TENM1: variants seen among roughly 807,000 people sequenced by gnomAD.
TENM1 encodes teneurin-1.
In TENM1, 35 loss-of-function variants were observed where a neutral mutation model predicts 174.8. The ratio of observed to expected loss-of-function variants is 0.20; its 90% confidence interval spans 0.15 to 0.27. TENM1 has a LOEUF of 0.27. Among genes scored for constraint, TENM1 ranks in the 10% least tolerant of loss-of-function variants. The pLI, the probability that TENM1 is intolerant of heterozygous loss-of-function variation, is 1.00. For missense variants in TENM1, 1,633 were observed against 2,130.1 expected, an observed-to-expected ratio of 0.77 and a Z score of 4.59; for synonymous variants, 781 against 798.7, an observed-to-expected ratio of 0.98 and a Z score of 0.37.
At chrX:124,390,112 G>T (rs751004528) in intron 28 of TENM1, among the ~76,000 whole-genome samples, 1 of 112,122 alleles carries the variant, frequency 8.9e-6, no homozygotes, top group East Asian at 2.8e-4. Flanking sequence ...TTGTTTGTTT[G>T]CTTAGCAATT....
At chrX:125,026,083 T>A in the TENM1 span, among the ~76,000 whole-genome samples, 1 of 107,025 alleles carries the variant, frequency 9.3e-6, no homozygotes, top group African/African-American at 3.4e-5. Flanking sequence ...ACTAGTGCAA[T>A]AGAAAAAAGA....
the TENM1 span, among the ~76,000 whole-genome samples, chrX:125,000,520 A>G: frequency 1.5e-4 from 17 of 112,080 alleles, no homozygotes; most frequent in African/African-American, 5.5e-4. Flanking sequence ...TGCAAACATT[A>G]TAAATATGAA....
At chrX:124,853,924 G>A (rs2056768051) in intron 3 of TENM1, among the ~76,000 whole-genome samples, 1 of 111,247 alleles carries the variant, frequency 9.0e-6, no homozygotes, top group Non-Finnish European at 1.9e-5. Context: ...GCAACTACAA[G>A]AGTGTCAATG....
intron 11 of TENM1, among the ~76,000 whole-genome samples, chrX:124,577,057 G>A (rs2049184434): frequency 8.9e-6 from 1 of 112,090 alleles, no homozygotes; most frequent in Non-Finnish European, 1.9e-5. Flanking sequence ...AAGACTAAAA[G>A]TCTTACTCTA....
intron 3 of TENM1, among the ~76,000 whole-genome samples, chrX:124,742,350 T>A (rs6648621): frequency 0.28 from 30,678 of 109,946 alleles, 3,794 homozygotes; most frequent in East Asian, 0.5. Context: ...CAATTCTTTA[T>A]CTACAACTAT....
intron 1 of TENM1, among the ~76,000 whole-genome samples, chrX:124,948,559 T>C (rs1452005610): frequency 4.4e-5 from 5 of 112,694 alleles, no homozygotes; most frequent in Non-Finnish European, 9.4e-5. Flanking sequence ...GTTGTTGTTG[T>C]TGTTGTTTTT....
chrX:124,450,365 A>C (rs1034856227), intron 23 of TENM1, among the ~76,000 whole-genome samples: 3 of 108,879 alleles, frequency 2.8e-5, no homozygotes, highest in Non-Finnish European at 5.7e-5. Flanking sequence ...GTCTCAAAAA[A>C]AAAAAAAAAA....
chrX:124,933,239 A>G (rs779814617), intron 1 of TENM1, among the ~76,000 whole-genome samples: 51 of 111,837 alleles, frequency 4.6e-4, no homozygotes, highest in African/African-American at 1.5e-3. Flanking sequence ...AGCTCTCCAC[A>G]CTGCCAAGAA....
chrX:124,389,766 T>C (rs1603247019), intron 28 of TENM1, among the ~76,000 whole-genome samples: 1 of 111,707 alleles, frequency 9.0e-6, no homozygotes, highest in Non-Finnish European at 1.9e-5. Context: ...ATTATATCTA[T>C]TCAGTGAATT....
At chrX:124,469,197 C>T (rs181301850) in intron 22 of TENM1, among the ~76,000 whole-genome samples, 1 of 112,350 alleles carries the variant, frequency 8.9e-6, no homozygotes, top group East Asian at 2.8e-4. Context: ...AATTTGAATG[C>T]AGTCAAACAA....
At chrX:124,739,498 T>C (rs1025739396) in intron 3 of TENM1, among the ~76,000 whole-genome samples, 1 of 111,411 alleles carries the variant, frequency 9.0e-6, no homozygotes, top group Non-Finnish European at 1.9e-5. Context: ...TTTCTGTACG[T>C]GTTTTTGTAA....
chrX:124,737,246 T>G, intron 3 of TENM1, 49 bp from the exon 7 acceptor site: 2 of 1,113,814 alleles, frequency 1.8e-6, no homozygotes, highest in South Asian at 2.2e-5. Context: ...CTCTCCCACT[T>G]GGCAGTCAGG....
At chrX:124,891,761 G>C (rs559355924) in intron 3 of TENM1, among the ~76,000 whole-genome samples, 1 of 111,643 alleles carries the variant, frequency 9.0e-6, no homozygotes, top group African/African-American at 3.3e-5. Context: ...GTCAGAGACA[G>C]AGTTGTATAT....
intron 14 of TENM1, among the ~76,000 whole-genome samples, chrX:124,553,014 T>A (rs1298474857): frequency 9.0e-6 from 1 of 111,496 alleles, no homozygotes. Context: ...AGTAGGTGTA[T>A]ATATTTATGG....
In TENM1 at chrX:124,466,183, C is replaced by A. The variant is rs73548512; in HGVS notation, c.3950-12692G>T. The stretch of plus-strand genomic sequence containing the variant: ...AGATGGTTGTGGTGTTTGACTATAG[C>A]ATTTAGCACAGTTCCTGCCATACAA... On this transcript the variant is annotated intron_variant, in intron 22 of 31. Transcript: ENST00000422452. Among the ~76,000 whole-genome samples the A allele has an allele frequency of 4.3e-3, 478 of 111,957 alleles. 7 individuals carry two copies. Among genetic ancestry groups the A allele is most frequent in the African/African-American group, 0.015 (458 of 30,811 alleles).
At chrX:125,004,752 C>T in the TENM1 span, among the ~76,000 whole-genome samples, 1 of 111,623 alleles carries the variant, frequency 9.0e-6, no homozygotes, top group East Asian at 2.8e-4. Context: ...TCCAAGACAT[C>T]ATCATATTTC....
the TENM1 span, among the ~76,000 whole-genome samples, chrX:125,002,011 G>T: frequency 9.3e-6 from 1 of 107,812 alleles, no homozygotes; most frequent in Non-Finnish European, 1.9e-5. Flanking sequence ...CCTACCTCCT[G>T]TCATGAAAGT....
chrX:125,034,510 A>C, the TENM1 span, among the ~76,000 whole-genome samples: 1 of 111,718 alleles, frequency 9.0e-6, no homozygotes, highest in South Asian at 3.7e-4. Context: ...ACAACAGTCC[A>C]ACAGGGATGT....
the TENM1 span, among the ~76,000 whole-genome samples, chrX:125,145,028 G>A: frequency 6.3e-5 from 7 of 111,429 alleles, no homozygotes; most frequent in South Asian, 1.5e-3. Flanking sequence ...GATTACAGGC[G>A]TGAGCCACCT....
Sources: allele counts gnomAD v4.1 joint callset (sites outside exome capture counted in the v4.1 genomes callset), GRCh38; gene constraint gnomAD v4.1.1; transcripts MANE v1.5; gene names NCBI Gene and HGNC (gene_info 2026-07-23, HGNC 2026-07-21).